Variants in ULK4 observed in about 807,000 individuals in gnomAD.
ULK4 encodes the protein unc-51 like kinase 4.
A neutral mutation model predicts 160.6 loss-of-function variants in ULK4; 133 were observed. That is an observed-to-expected ratio of 0.83 (90% CI 0.72 to 0.96). The LOEUF is 0.96. Ranked by LOEUF, ULK4 falls within the 40% of genes least tolerant of loss-of-function variation. The pLI, the probability that ULK4 is intolerant of heterozygous loss-of-function variation, is 0.00. For missense variants in ULK4, 1,580 were observed against 1,499.5 expected (o/e 1.05, Z -0.89); for synonymous variants, 534 against 539.8 (o/e 0.99, Z 0.15).
intron 34 of ULK4, among the ~76,000 whole-genome samples, chr3:41,405,322 GATGTGT>G (rs2082271932): frequency 1.3e-5 from 2 of 152,126 alleles, no homozygotes; most frequent in African/African-American, 4.8e-5. Flanking sequence ...CTTTTTTATG[GATGTGT>G]ATTATTTTAC....
At chr3:41,704,269 G>A (rs2036787609) in intron 27 of ULK4, among the ~76,000 whole-genome samples, 1 of 152,122 alleles carries the variant, frequency 6.6e-6, no homozygotes, top group Non-Finnish European at 1.5e-5. Flanking sequence ...TGGGGTACAA[G>A]AAACACCTCC....
intron 17 of ULK4, among the ~76,000 whole-genome samples, chr3:41,883,049 TTTGCAGGAA>T (rs1697580676): frequency 6.6e-6 from 1 of 152,034 alleles, no homozygotes; most frequent in East Asian, 1.9e-4. Flanking sequence ...GATCCAGCAG[TTTGCAGGAA>T]ATAGAGATGG....
Position 41,262,621 on chromosome 3 carries a change from G to A in ULK4, c.3679-13047C>T, listed in dbSNP as rs188136216. On this transcript the variant is annotated intron_variant, in intron 35 of 36. Coordinates refer to ENST00000301831, the MANE Select transcript of ULK4 (RefSeq NM_017886.4). ...CCTGCCAAGTCTAGAGGCTACAGAA[G>A]TAACATGCGGAGGATTTGAATGTTT... Among the ~76,000 whole-genome samples the A allele has an allele frequency of 4.3e-3, 650 of 152,278 alleles. 10 individuals carry two copies. The highest frequency in any genetic ancestry group is 0.014 in the African/African-American group (598 of 41,534).
intron 5 of ULK4, among the ~76,000 whole-genome samples, chr3:41,922,371 T>C (rs548269832): frequency 6.6e-6 from 1 of 151,960 alleles, no homozygotes; most frequent in Admixed American, 6.6e-5. Context: ...TCTGCAGTCC[T>C]AGCTACTCAG....
At chr3:41,882,005 CA>C in intron 17 of ULK4, 1 of 526,692 alleles carries the variant, frequency 1.9e-6, no homozygotes, top group East Asian at 3.1e-5. Context: ...GCAGCAACAG[CA>C]AGTACCAGTA....
At chr3:41,593,943 G>C (rs751592034) in intron 31 of ULK4, among the ~76,000 whole-genome samples, 1 of 152,062 alleles carries the variant, frequency 6.6e-6, no homozygotes. Context: ...GGGAAGGGGG[G>C]CTGAGGTGGG....
At chr3:41,531,528 A>G (rs1170316234) in intron 32 of ULK4, among the ~76,000 whole-genome samples, 1 of 151,638 alleles carries the variant, frequency 6.6e-6, no homozygotes, top group Non-Finnish European at 1.5e-5. Context: ...GAAAAAGAAA[A>G]AAAAAAGAAA....
rs540288627 is a variant in ULK4, at chr3:41,583,945, T to A, written c.3121-17815A>T. On this transcript the variant is annotated intron_variant, in intron 31 of 36. Coordinates refer to ENST00000301831, the MANE Select transcript of ULK4 (RefSeq NM_017886.4). The stretch of plus-strand genomic sequence containing the variant: ...AGAGAACAGAAGCACCTGTCATATA[T>A]GCAGACAGTGTTTTAAAGATTCTTT... Among the ~76,000 whole-genome samples the A allele has an allele frequency of 2.0e-5, 3 of 152,334 alleles. No individual in the cohort carries two copies. In the East Asian group the frequency reaches 5.8e-4, roughly 29 times the overall value.
At chr3:41,656,750 C>T (rs763070064) in intron 30 of ULK4, among the ~76,000 whole-genome samples, 1 of 152,164 alleles carries the variant, frequency 6.6e-6, no homozygotes, top group Admixed American at 6.5e-5. Context: ...TTTTATGAAT[C>T]TTGTCATAAA....
intron 12 of ULK4, among the ~76,000 whole-genome samples, chr3:41,901,502 A>ATTTT (rs1698362944): frequency 2.0e-4 from 2 of 10,250 alleles, no homozygotes; most frequent in Non-Finnish European, 1.3e-3. Context: ...TTTTTTTGAG[A>ATTTT]TAGAGTCTCA....
At chr3:41,943,205 T>C (rs934981541) in intron 2 of ULK4, among the ~76,000 whole-genome samples, 4 of 135,272 alleles carry the variant, frequency 3.0e-5, no homozygotes, top group African/African-American at 8.3e-5. Flanking sequence ...AGAGCGAGAC[T>C]CCATCTCAAA....
chr3:41,755,553 C>A (rs1331858794), intron 21 of ULK4, among the ~76,000 whole-genome samples: 1 of 152,092 alleles, frequency 6.6e-6, no homozygotes, highest in African/African-American at 2.4e-5. Flanking sequence ...AATCCATCTC[C>A]CCAGAGTCCA....
At chr3:41,255,408 G>A (rs532875875) in intron 35 of ULK4, among the ~76,000 whole-genome samples, 117 of 152,206 alleles carry the variant, frequency 7.7e-4, no homozygotes, top group Non-Finnish European at 1.3e-3. Flanking sequence ...ACTTGAACCC[G>A]GGAGGCGGAG....
intron 30 of ULK4, among the ~76,000 whole-genome samples, chr3:41,626,017 C>T (rs1249351623): frequency 2.0e-5 from 3 of 152,160 alleles, no homozygotes; most frequent in African/African-American, 7.2e-5. Context: ...TCCAGGACCA[C>T]TTTACCCTGG....
chr3:41,360,882 A>G (rs1186412710), intron 35 of ULK4, among the ~76,000 whole-genome samples: 1 of 152,036 alleles, frequency 6.6e-6, no homozygotes, highest in African/African-American at 2.4e-5. Context: ...ACGTTTACCT[A>G]TGTAACACAC....
At chr3:41,447,412 T>A (rs1226409892) in intron 34 of ULK4, among the ~76,000 whole-genome samples, 1 of 152,040 alleles carries the variant, frequency 6.6e-6, no homozygotes, top group Non-Finnish European at 1.5e-5. Context: ...TAAATGCATG[T>A]TTTTTTACTC....
At chr3:41,671,513 T>C (rs184550579) in intron 29 of ULK4, among the ~76,000 whole-genome samples, 2 of 152,168 alleles carry the variant, frequency 1.3e-5, no homozygotes, top group African/African-American at 2.4e-5. Flanking sequence ...TTCAAATAAA[T>C]GGTGCTGAGA....
rs779135896 is a variant in ULK4, at chr3:41,793,373, A to G, written c.2011-3530T>C. 7.9e-5 allele frequency among the ~76,000 whole-genome samples: 12 copies of G among 152,324 alleles called. No individual in the cohort carries two copies. The East Asian group carries it at 1.3e-3, about 17-fold the overall frequency. On this transcript the variant is annotated intron_variant, in intron 20 of 36. Coordinates refer to ENST00000301831, the MANE Select transcript of ULK4 (RefSeq NM_017886.4). Reference sequence around the variant, plus strand: ...ACTCACTCAAAATTGAAGGCTGCATATCTGTTAGAAACATATGAGCAGAAT... The same window carrying G: ...ACTCACTCAAAATTGAAGGCTGCATGTCTGTTAGAAACATATGAGCAGAAT...
At chr3:41,783,283 T>C (rs2039909079) in intron 21 of ULK4, among the ~76,000 whole-genome samples, 1 of 152,072 alleles carries the variant, frequency 6.6e-6, no homozygotes. Context: ...ACATCTGTAA[T>C]CCCAGCACTT....
Sources: gnomAD v4.1 joint callset for allele counts (sites outside exome capture counted in the v4.1 genomes callset) on GRCh38, gnomAD v4.1.1 for gene constraint, MANE v1.5 for transcripts, NCBI Gene and HGNC (gene_info 2026-07-23, HGNC 2026-07-21) for gene names.